Variants in GPD2 observed in about 807,000 individuals in gnomAD.
The protein encoded by GPD2 is glycerol-3-phosphate dehydrogenase, mitochondrial.
Under a neutral mutation model 82.4 loss-of-function variants are expected in GPD2, and 54 were observed. The observed-to-expected ratio is 0.66, with a 90% CI of 0.53 to 0.82. The LOEUF (loss-of-function observed/expected upper bound fraction) is 0.82, where lower values mean the gene tolerates loss of function less well. GPD2 is among the 40% of genes least tolerant of loss of function. The pLI, the probability that GPD2 is intolerant of heterozygous loss-of-function variation, is 0.00. For missense variants in GPD2, 748 were observed against 896.2 expected, an observed-to-expected ratio of 0.83 and a Z score of 2.11; for synonymous variants, 288 against 306.1, an observed-to-expected ratio of 0.94 and a Z score of 0.62.
intron 1 of GPD2, among the ~76,000 whole-genome samples, chr2:156,448,574 A>G (rs2105150225): frequency 6.6e-6 from 1 of 152,376 alleles, no homozygotes; most frequent in African/African-American, 2.4e-5. Context: ...TTGGATTTGA[A>G]TAATTTGGGA....
At chr2:156,463,342 G>C (rs1391107487) in intron 1 of GPD2, among the ~76,000 whole-genome samples, 1 of 151,866 alleles carries the variant, frequency 6.6e-6, no homozygotes, top group Non-Finnish European at 1.5e-5. Flanking sequence ...GGATTTTTTT[G>C]TGTGTGTTCT....
intron 1 of GPD2, among the ~76,000 whole-genome samples, chr2:156,451,174 C>T (rs1473932980): frequency 6.6e-6 from 1 of 151,948 alleles, no homozygotes; most frequent in Non-Finnish European, 1.5e-5. Context: ...CAATGAGCTG[C>T]TGGGCACACC....
intron 2 of GPD2, among the ~76,000 whole-genome samples, chr2:156,478,938 T>C (rs1285437062): frequency 6.6e-6 from 1 of 152,206 alleles, no homozygotes; most frequent in African/African-American, 2.4e-5. Context: ...CCTATTGACT[T>C]TGGTTCTGGC....
intron 1 of GPD2, among the ~76,000 whole-genome samples, chr2:156,455,367 A>T (rs1235457585): frequency 6.6e-6 from 1 of 152,244 alleles, no homozygotes; most frequent in Admixed American, 6.5e-5. Context: ...TAAATTGACT[A>T]GCACAGTCCT....
chr2:156,428,665 C>G, the GPD2 span, among the ~76,000 whole-genome samples: 1 of 152,170 alleles, frequency 6.6e-6, no homozygotes, highest in African/African-American at 2.4e-5. Context: ...TTAAATAATA[C>G]ACTTCCCATT....
the GPD2 span, among the ~76,000 whole-genome samples, chr2:156,426,217 C>T: frequency 6.6e-6 from 1 of 152,202 alleles, no homozygotes; most frequent in South Asian, 2.1e-4. Flanking sequence ...GCCACCACGC[C>T]CGGCCAAGTC....
chr2:156,458,059 A>G (rs1682847698), intron 1 of GPD2, among the ~76,000 whole-genome samples: 1 of 152,120 alleles, frequency 6.6e-6, no homozygotes, highest in Non-Finnish European at 1.5e-5. Context: ...CCTGGGTGTC[A>G]TTGGTGTCAT....
At chr2:156,466,354 ACTATT>A in intron 1 of GPD2, among the ~76,000 whole-genome samples, 1 of 152,196 alleles carries the variant, frequency 6.6e-6, no homozygotes, top group South Asian at 2.1e-4. Context: ...CATAATAGAA[ACTATT>A]CTATTATGAA....
chr2:156,408,009 T>C, the GPD2 span, among the ~76,000 whole-genome samples: 4 of 139,398 alleles, frequency 2.9e-5, no homozygotes, highest in African/African-American at 1.1e-4. Context: ...GGCTAGAGTA[T>C]AGTGGTGCAA....
rs35817705 is a variant in GPD2 at position 156,538,477 on chromosome 2, T to TA, written c.662-11116dup. Reference sequence around the variant, plus strand: ...TAAAACAGATGACTCAGATTGCTGTTAAAAAAAAAAAAAAATCCAGTAGGG... The same window carrying TA: ...TAAAACAGATGACTCAGATTGCTGTTAAAAAAAAAAAAAAAATCCAGTAGGG... On this transcript the variant is annotated intron_variant, in intron 6 of 16. Coordinates refer to ENST00000438166, the MANE Select transcript of GPD2 (RefSeq NM_000408.5). 5.0e-3 allele frequency among the ~76,000 whole-genome samples: 716 copies of TA among 143,808 alleles called. 10 individuals are homozygous for TA. Among genetic ancestry groups the TA allele is most frequent in the African/African-American group, 0.014 (530 of 38,892 alleles). The allele number at this position is 143,808 out of a possible 152,430, so 94.3% of individuals were successfully genotyped here.
At chr2:156,558,100 C>T (rs767225531) in intron 9 of GPD2, among the ~76,000 whole-genome samples, 1 of 152,256 alleles carries the variant, frequency 6.6e-6, no homozygotes, top group Non-Finnish European at 1.5e-5. Flanking sequence ...TACTTCCTTC[C>T]TATTCTTACT....
chr2:156,483,939 T>G (rs897423649), intron 2 of GPD2, among the ~76,000 whole-genome samples: 4 of 151,726 alleles, frequency 2.6e-5, no homozygotes, highest in Admixed American at 1.3e-4. Flanking sequence ...TGAACGTTGA[T>G]GTAGCTGTAG....
At chr2:156,515,372 CAAA>C (rs397748423) in intron 6 of GPD2, among the ~76,000 whole-genome samples, 23 of 134,110 alleles carry the variant, frequency 1.7e-4, no homozygotes, top group Non-Finnish European at 3.0e-4. Context: ...GACCCTATTT[CAAA>C]AAAAAAAAAA....
At chr2:156,408,298 A>AGTC in the GPD2 span, among the ~76,000 whole-genome samples, 1 of 152,136 alleles carries the variant, frequency 6.6e-6, no homozygotes, top group South Asian at 2.1e-4. Flanking sequence ...CCGCATTAAT[A>AGTC]GTCTGAGAAC....
At chr2:156,443,669 G>A (rs564100427) in intron 1 of GPD2, among the ~76,000 whole-genome samples, 5 of 152,108 alleles carry the variant, frequency 3.3e-5, no homozygotes, top group Non-Finnish European at 5.9e-5. Context: ...GAGGGAAGGG[G>A]CGAAGTGACA....
chr2:156,549,486 C>T lies in GPD2; in HGVS notation c.662-122C>T. On this transcript the variant is annotated intron_variant, in intron 6 of 16. Coordinates refer to ENST00000438166, the MANE Select transcript of GPD2 (RefSeq NM_000408.5). ...AATTGTGCCCTGTCAAGCTGCCCAG[C>T]CATCATGCATATCCTGGGTGACAGG... 5.7e-6 allele frequency: 5 copies of T among 876,766 alleles called. No homozygotes were observed. The South Asian group carries it at 6.7e-5, about 12-fold the overall frequency. The allele number at this position is 876,766 out of a possible 1,614,324, so 54.3% of individuals were successfully genotyped here. A position where few individuals can be genotyped will look rare whatever the true frequency, so the allele number is the denominator to read the frequency against.
At chr2:156,401,135 G>T in the GPD2 span, among the ~76,000 whole-genome samples, 139 of 152,262 alleles carry the variant, frequency 9.1e-4, no homozygotes, top group African/African-American at 3.2e-3. Flanking sequence ...AAAAAAACTA[G>T]AAGTCAAAAC....
At chr2:156,565,188 C>G (rs894929616) in intron 9 of GPD2, among the ~76,000 whole-genome samples, 2 of 152,036 alleles carry the variant, frequency 1.3e-5, no homozygotes, top group Non-Finnish European at 2.9e-5. Context: ...GAGTTGGAAC[C>G]AAATTCCTGA....
chr2:156,521,907 CCT>C (rs1407270982), intron 6 of GPD2, among the ~76,000 whole-genome samples: 1 of 152,128 alleles, frequency 6.6e-6, no homozygotes, highest in Non-Finnish European at 1.5e-5. Flanking sequence ...TTGTATTTCT[CCT>C]CTTGTTTTCT....
Sources: allele counts gnomAD v4.1 joint callset (sites outside exome capture counted in the v4.1 genomes callset), GRCh38; gene constraint gnomAD v4.1.1; transcripts MANE v1.5; gene names NCBI Gene and HGNC (gene_info 2026-07-23, HGNC 2026-07-21).